The following HLCS variants were observed in gnomAD, a reference collection of about 807,000 sequenced individuals.
The protein encoded by HLCS is holocarboxylase synthetase.
Under a neutral mutation model 75.0 loss-of-function variants are expected in HLCS, and 53 were observed. That is an observed-to-expected ratio of 0.71 (90% CI 0.57 to 0.89). The LOEUF (loss-of-function observed/expected upper bound fraction) is 0.89. Among genes scored for constraint, HLCS ranks in the 40% least tolerant of loss-of-function variants. The pLI is 0.00. For missense variants in HLCS, 966 were observed against 1,074.0 expected, an observed-to-expected ratio of 0.90 and a Z score of 1.41; for synonymous variants, 431 against 428.6, an observed-to-expected ratio of 1.01 and a Z score of -0.07.
rs1568950631 is a variant in HLCS at position 36,751,740 on chromosome 21, T to C, written c.*2506A>G. On this transcript the variant is annotated 3_prime_UTR_variant, in exon 11 of 11. Transcript: ENST00000674895. ...ACAGGAAGCCCAGTTATTGCTGTGTTCTATTTTAGGGGGCACTTCCTCAAG... is the reference window on the plus strand; with the variant it reads ...ACAGGAAGCCCAGTTATTGCTGTGTCCTATTTTAGGGGGCACTTCCTCAAG... The C allele has an allele frequency of 6.6e-6, 1 of 152,196 alleles. No individual in the cohort carries two copies. The highest frequency in any genetic ancestry group is 1.5e-5 in the Non-Finnish European group (1 of 68,050). The allele number at this position is 152,196 out of a possible 1,614,324, so 9.4% of individuals were successfully genotyped here. A position where few individuals can be genotyped will look rare whatever the true frequency, so the allele number is the denominator to read the frequency against.
rs568858572 is a variant in HLCS at position 36,934,347 on chromosome 21, T to C, written c.1437+2102A>G. On this transcript the variant is annotated intron_variant, in intron 4 of 10. Transcript: ENST00000674895. ...CAGCCGAAAATGCACAAGACTGTTG[T>C]TGCCACGAAGAATTCTCTGACCCAA... 1.8e-4 allele frequency among the ~76,000 whole-genome samples: 27 copies of C among 152,346 alleles called. 1 individual carries two copies. The South Asian group carries it at 5.6e-3, about 32-fold the overall frequency.
intron 1 of HLCS, among the ~76,000 whole-genome samples, chr21:36,982,675 C>T (rs1383729283): frequency 2.0e-5 from 3 of 152,166 alleles, no homozygotes; most frequent in Non-Finnish European, 2.9e-5. Context: ...TCTAAATTTA[C>T]GCATTGTAGC....
chr21:36,755,240 A>T (rs568501653), intron 10 of HLCS, among the ~76,000 whole-genome samples: 129 of 151,558 alleles, frequency 8.5e-4, no homozygotes, highest in African/African-American at 2.3e-3. Flanking sequence ...CTACAAAAAA[A>T]TTTTTTTTTA....
At chr21:36,837,380 G>A (rs1007099495) in intron 6 of HLCS, among the ~76,000 whole-genome samples, 2 of 152,096 alleles carry the variant, frequency 1.3e-5, no homozygotes, top group African/African-American at 4.8e-5. Flanking sequence ...TAGGCAACTC[G>A]AAATCCCCAA....
chr21:36,827,528 C>T (rs553102919), intron 6 of HLCS, among the ~76,000 whole-genome samples: 7 of 149,030 alleles, frequency 4.7e-5, no homozygotes, highest in East Asian at 4.0e-4. Context: ...GAACCAAGAT[C>T]GCGCCACTGC....
intron 5 of HLCS, among the ~76,000 whole-genome samples, chr21:36,898,702 T>C (rs1307525049): frequency 6.6e-6 from 1 of 152,100 alleles, no homozygotes; most frequent in East Asian, 1.9e-4. Flanking sequence ...TTAGGAAATC[T>C]GAATGTGAAC....
At chr21:36,922,609 G>A (rs1190304701) in intron 5 of HLCS, among the ~76,000 whole-genome samples, 1 of 152,132 alleles carries the variant, frequency 6.6e-6, no homozygotes, top group Non-Finnish European at 1.5e-5. Flanking sequence ...ACCGACAGAC[G>A]GACTAACCTT....
chr21:36,830,656 A>G (rs1719280988), intron 6 of HLCS, among the ~76,000 whole-genome samples: 1 of 151,900 alleles, frequency 6.6e-6, no homozygotes, highest in African/African-American at 2.4e-5. Flanking sequence ...CAACATGATG[A>G]AACCCGAAAC....
At position 36,756,771 on chromosome 21, in the gene HLCS, C is replaced by A; in HGVS notation, c.2237-16G>T. On this transcript the variant is annotated splice_polypyrimidine_tract_variant and intron_variant, in intron 9 of 10. Coordinates refer to ENST00000674895, the MANE Select transcript of HLCS (RefSeq NM_001352514.2). ...AATCCACAGCCTGGACAAAAACAAA[C>A]AATTGAGCAGCTCAGCCTGTTGATG... The A allele has an allele frequency of 2.5e-6, 4 of 1,613,924 alleles. No homozygotes were observed. The highest frequency in any genetic ancestry group is 3.4e-6 in the Non-Finnish European group (4 of 1,179,996).
intron 6 of HLCS, among the ~76,000 whole-genome samples, chr21:36,823,397 C>T (rs1403848622): frequency 6.6e-6 from 1 of 152,152 alleles, no homozygotes. Flanking sequence ...AAGGAACAGT[C>T]AGTTCAATAA....
intron 6 of HLCS, among the ~76,000 whole-genome samples, chr21:36,824,090 G>A (rs143450310): frequency 0.015 from 2,212 of 152,226 alleles, 19 homozygotes; most frequent in Non-Finnish European, 0.021. Flanking sequence ...GACCAGCCTG[G>A]CCAACATGGT....
intron 6 of HLCS, among the ~76,000 whole-genome samples, chr21:36,775,533 C>T (rs1226817822): frequency 1.3e-5 from 2 of 152,352 alleles, no homozygotes; most frequent in East Asian, 3.9e-4. Flanking sequence ...TGTACCTCAG[C>T]GGTAGCCCTG....
At chr21:36,888,438 AAAAAAAAATATATAT>A (rs2064574114) in intron 6 of HLCS, among the ~76,000 whole-genome samples, 1 of 30,384 alleles carries the variant, frequency 3.3e-5, no homozygotes, top group African/African-American at 1.1e-4. Flanking sequence ...CATTTAAAAA[AAAAAAAAATATATAT>A]ATATATATAT....
chr21:36,923,261 C>CGGGTA (rs1455409318), intron 5 of HLCS, among the ~76,000 whole-genome samples: 1 of 152,200 alleles, frequency 6.6e-6, no homozygotes, highest in Non-Finnish European at 1.5e-5. Flanking sequence ...AATCCATACC[C>CGGGTA]GCTCACACAT....
At chr21:36,894,522 G>C (rs951436432) in intron 6 of HLCS, among the ~76,000 whole-genome samples, 1 of 152,142 alleles carries the variant, frequency 6.6e-6, no homozygotes, top group African/African-American at 2.4e-5. Flanking sequence ...CACTGACTCA[G>C]TAGGTTTCTG....
chr21:36,984,712 CA>C (rs988174465), intron 1 of HLCS, among the ~76,000 whole-genome samples: 8 of 152,274 alleles, frequency 5.3e-5, no homozygotes, highest in Non-Finnish European at 1.0e-4. Flanking sequence ...TGTACATGAT[CA>C]GGGGTGATGG....
chr21:36,759,232 T>A (rs1219684757), intron 9 of HLCS: 1 of 470,680 alleles, frequency 2.1e-6, no homozygotes, highest in Non-Finnish European at 4.4e-6. Flanking sequence ...TCTGAATCCA[T>A]CTTCTTGCCT....
intron 6 of HLCS, among the ~76,000 whole-genome samples, chr21:36,846,412 T>C (rs1375522343): frequency 6.6e-6 from 1 of 152,180 alleles, no homozygotes. Context: ...CACCAAGACA[T>C]TTCCAAGGGG....
intron 6 of HLCS, among the ~76,000 whole-genome samples, chr21:36,855,795 C>T (rs745408619): frequency 6.6e-6 from 1 of 152,066 alleles, no homozygotes; most frequent in Non-Finnish European, 1.5e-5. Flanking sequence ...CCAGGCTGGT[C>T]TCAAACTCTT....
Sources: gnomAD v4.1 joint callset for allele counts (sites outside exome capture counted in the v4.1 genomes callset) on GRCh38, gnomAD v4.1.1 for gene constraint, MANE v1.5 for transcripts, NCBI Gene and HGNC (gene_info 2026-07-23, HGNC 2026-07-21) for gene names.